DMD: variants seen among roughly 807,000 people sequenced by gnomAD.
DMD encodes mutant dystrophin.
In DMD, 63 loss-of-function variants were observed where a neutral mutation model predicts 330.1. That is an observed-to-expected ratio of 0.19 (90% confidence interval 0.16 to 0.24). The LOEUF (loss-of-function observed/expected upper bound fraction) is 0.24, where lower values mean the gene tolerates loss of function less well. DMD is among the 10% of genes least tolerant of loss of function. The pLI is 1.00. For synonymous variants in DMD, 1,223 were observed against 959.8 expected (o/e 1.27, Z -5.07); for missense variants, 3,344 against 2,684.1 (o/e 1.25, Z -5.43).
At chrX:32,590,611 G>A (rs1290978776) in intron 13 of DMD, among the ~76,000 whole-genome samples, 15 of 111,771 alleles carry the variant, frequency 1.3e-4, no homozygotes, top group African/African-American at 3.6e-4. Context: ...CTCTCTTCCT[G>A]TGCCCTGCGG....
intron 62 of DMD, among the ~76,000 whole-genome samples, chrX:31,316,149 C>T (rs1181854374): frequency 8.9e-6 from 1 of 111,934 alleles, no homozygotes; most frequent in Non-Finnish European, 1.9e-5. Flanking sequence ...AGGACTGTCC[C>T]TTAAGCACCA....
rs1174768674 is a variant in DMD, at chrX:32,827,056, A to ACCCCC, written c.265-3674_265-3670dup. Among the ~76,000 whole-genome samples the ACCCCC allele has an allele frequency of 1.3e-4, 8 of 59,868 alleles. 1 individual carries two copies. Among genetic ancestry groups the ACCCCC allele is most frequent in the African/African-American group, 3.2e-4 (4 of 12,518 alleles). The allele number at this position is 59,868 out of a possible 115,157, so 52.0% of individuals were successfully genotyped here. The stretch of plus-strand genomic sequence containing the variant: ...AATAAGTCATTGGAACACACATCGC[A>ACCCCC]CCCCCCCCCCACACACACACACACA... On this transcript the variant is annotated intron_variant, in intron 4 of 78. Coordinates refer to ENST00000357033, the MANE Select transcript of DMD (RefSeq NM_004006.3).
chrX:32,918,125 A>G (rs1406918686), intron 2 of DMD, among the ~76,000 whole-genome samples: 5 of 111,407 alleles, frequency 4.5e-5, no homozygotes, highest in African/African-American at 1.6e-4. Flanking sequence ...GTGCTTATTT[A>G]GATTTCCTAT....
chrX:32,147,881 T>G (rs1430156067), intron 44 of DMD, among the ~76,000 whole-genome samples: 2 of 102,164 alleles, frequency 2.0e-5, no homozygotes, highest in African/African-American at 3.6e-5. Context: ...TTTCTTCTTT[T>G]TTTTTTTTTT....
intron 47 of DMD, among the ~76,000 whole-genome samples, chrX:31,897,024 A>T (rs2094346205): frequency 1.8e-5 from 2 of 109,381 alleles, no homozygotes; most frequent in Admixed American, 1.9e-4. Context: ...TGCACCCACT[A>T]ACTTGTCATC....
At chrX:33,192,204 G>T (rs1253465027) in intron 1 of DMD, among the ~76,000 whole-genome samples, 1 of 111,808 alleles carries the variant, frequency 8.9e-6, no homozygotes, top group African/African-American at 3.3e-5. Flanking sequence ...ACCCTTTTGT[G>T]TAAAAGAAGA....
chrX:32,872,730 T>G (rs2149152353), intron 2 of DMD, among the ~76,000 whole-genome samples: 1 of 112,092 alleles, frequency 8.9e-6, no homozygotes, highest in African/African-American at 3.2e-5. Flanking sequence ...AAGTGGATGC[T>G]AAATGAAGTT....
chrX:33,236,215 C>T (rs1294156109), intron 1 of DMD, among the ~76,000 whole-genome samples: 5 of 107,378 alleles, frequency 4.7e-5, no homozygotes, highest in Non-Finnish European at 9.6e-5. Context: ...TGCGCCTGTC[C>T]GTTATAGTAT....
intron 63 of DMD, among the ~76,000 whole-genome samples, chrX:31,234,849 C>A (rs1476780842): frequency 9.0e-6 from 1 of 111,186 alleles, no homozygotes; most frequent in Non-Finnish European, 1.9e-5. Context: ...CTGAATACAG[C>A]ATGGACAAGT....
chrX:33,307,822 A>G (rs1286010041), intron 1 of DMD, among the ~76,000 whole-genome samples: 2 of 111,669 alleles, frequency 1.8e-5, no homozygotes, highest in African/African-American at 6.5e-5. Context: ...ACAGGCAGAA[A>G]TTCAATAAAA....
At chrX:32,448,019 A>G (rs2098312805) in intron 27 of DMD, among the ~76,000 whole-genome samples, 2 of 111,286 alleles carry the variant, frequency 1.8e-5, no homozygotes, top group African/African-American at 3.3e-5. Flanking sequence ...CAATTGTAGT[A>G]AAAACATACT....
chrX:32,478,902 C>T (rs1265406817), intron 21 of DMD, among the ~76,000 whole-genome samples: 1 of 110,640 alleles, frequency 9.0e-6, no homozygotes, highest in Non-Finnish European at 1.9e-5. Context: ...CATAAAACTC[C>T]AATGAACCAA....
At chrX:32,894,207 G>C (rs189587173) in intron 2 of DMD, among the ~76,000 whole-genome samples, 12 of 112,100 alleles carry the variant, frequency 1.1e-4, no homozygotes. Flanking sequence ...AAATAAACGC[G>C]TTTGTTCACA....
At chrX:31,551,421 G>A (rs2147754706) in intron 55 of DMD, among the ~76,000 whole-genome samples, 1 of 110,712 alleles carries the variant, frequency 9.0e-6, no homozygotes, top group South Asian at 3.9e-4. Flanking sequence ...AAAGCTAAGA[G>A]GACATGGAAA....
intron 61 of DMD, among the ~76,000 whole-genome samples, chrX:31,327,133 T>C (rs2056838116): frequency 8.9e-6 from 1 of 112,331 alleles, no homozygotes; most frequent in Admixed American, 9.4e-5. Context: ...TTCAGATTCT[T>C]GAATGTACAA....
At chrX:32,598,389 C>A (rs770911639) in intron 12 of DMD, among the ~76,000 whole-genome samples, 24 of 111,243 alleles carry the variant, frequency 2.2e-4, no homozygotes, top group Non-Finnish European at 4.0e-4. Context: ...TAAGACAGGA[C>A]TGGGAACATT....
intron 45 of DMD, among the ~76,000 whole-genome samples, chrX:31,933,654 A>G (rs1381824801): frequency 9.0e-6 from 1 of 111,709 alleles, no homozygotes; most frequent in Non-Finnish European, 1.9e-5. Flanking sequence ...ACAACCAGAG[A>G]AGGAAATAGA....
intron 6 of DMD, among the ~76,000 whole-genome samples, chrX:32,811,290 G>C (rs2077353891): frequency 9.1e-6 from 1 of 110,497 alleles, no homozygotes; most frequent in Non-Finnish European, 1.9e-5. Context: ...AGTGAGCCAT[G>C]ATTGTACCAC....
intron 55 of DMD, among the ~76,000 whole-genome samples, chrX:31,573,283 A>G (rs1228797204): frequency 8.9e-6 from 1 of 112,009 alleles, no homozygotes; most frequent in African/African-American, 3.2e-5. Context: ...TTTAAGTCAC[A>G]CAATTCTAAT....
Sources: allele counts gnomAD v4.1 joint callset (sites outside exome capture counted in the v4.1 genomes callset), GRCh38; gene constraint gnomAD v4.1.1; transcripts MANE v1.5; gene names NCBI Gene and HGNC (gene_info 2026-07-23, HGNC 2026-07-21).